Variants in ADAP1 observed in about 807,000 individuals in gnomAD.
ADAP1 encodes the protein ArfGAP with dual PH domains 1.
Under a neutral mutation model 54.9 loss-of-function variants are expected in ADAP1, and 31 were observed. The observed-to-expected ratio is 0.56, with a 90% CI of 0.42 to 0.76. ADAP1 has a LOEUF of 0.76. Ranked by LOEUF, ADAP1 falls within the 30% of genes least tolerant of loss-of-function variation. ADAP1 has a pLI of 0.00. For synonymous variants in ADAP1, 313 were observed against 202.6 expected, an observed-to-expected ratio of 1.55 and a Z score of -4.63; for missense variants, 535 against 512.4, an observed-to-expected ratio of 1.04 and a Z score of -0.42.
chr7:897,987 G>C lies in ADAP1; in HGVS notation c.*934C>G, dbSNP rs566042832. On this transcript the variant is annotated 3_prime_UTR_variant, in exon 11 of 11. Coordinates refer to ENST00000265846, the MANE Select transcript of ADAP1 (RefSeq NM_006869.4). ...TCGGAAACCCCCTCCCTGCCTATGA[G>C]GGCTTGTCCAGGGCTCCCCTGGAAC... is the stretch of plus-strand genomic sequence containing the variant. The C allele has an allele frequency of 2.6e-5, 4 of 152,346 alleles. No individual in the cohort carries two copies. Among genetic ancestry groups the C allele is most frequent in the Admixed American group, 2.0e-4 (3 of 15,308 alleles). 9.4% of individuals were successfully genotyped at this position (152,346 alleles called of 1,614,324 possible).
rs983704936 is a variant in ADAP1 at position 938,069 on chromosome 7, G to C, written c.83-2564C>G. Among the ~76,000 whole-genome samples, 9 of 152,200 alleles carry C rather than the reference G, an allele frequency of 5.9e-5. No homozygotes were observed. Among genetic ancestry groups the C allele is most frequent in the Middle Eastern group, 3.2e-3 (1 of 316 alleles). ...ACATTTGCCCAAGTGACCCTGTCTC[G>C]GGTACCAGGAGTTTTGCCTGTGCTG... is the stretch of plus-strand genomic sequence containing the variant. On this transcript the variant is annotated intron_variant, in intron 1 of 10. Coordinates refer to ENST00000265846, the MANE Select transcript of ADAP1 (RefSeq NM_006869.4). This position sits in a 1 kb window ranked among gnomAD's most constrained non-coding sequence, Gnocchi z 4.4.
At chr7:909,530 C>T (rs548364791) in intron 4 of ADAP1, among the ~76,000 whole-genome samples, 1 of 152,240 alleles carries the variant, frequency 6.6e-6, no homozygotes, top group African/African-American at 2.4e-5. Context: ...ACGCGCCCCA[C>T]GCCCAGTCCA....
At chr7:937,906 C>T (rs1447999175) in intron 1 of ADAP1, among the ~76,000 whole-genome samples, 8 of 152,192 alleles carry the variant, frequency 5.3e-5, no homozygotes, top group African/African-American at 9.7e-5. Context: ...CCAGCACCCC[C>T]GGATCTGGCA....
At chr7:900,808 C>T (rs1389854374) in intron 6 of ADAP1, 192 bp from the exon 7 acceptor site, 1 of 656,538 alleles carries the variant, frequency 1.5e-6, no homozygotes, top group African/African-American at 1.8e-5. Context: ...GGGGCTGCTA[C>T]ACAGGGGCTG....
intron 2 of ADAP1, 24 bp downstream of exon 2, chr7:935,351 C>T: frequency 6.5e-7 from 1 of 1,547,186 alleles, no homozygotes; most frequent in Non-Finnish European, 8.7e-7. Flanking sequence ...CTGCGCGGGT[C>T]CCCCCGCCCC....
intron 1 of ADAP1, among the ~76,000 whole-genome samples, chr7:936,719 T>G (rs1211228861): frequency 1.3e-5 from 2 of 152,164 alleles, no homozygotes; most frequent in African/African-American, 2.4e-5. Context: ...AGATGAGTCA[T>G]CTCTGAACTG....
chr7:910,688 G>A (rs901923784), intron 4 of ADAP1, among the ~76,000 whole-genome samples: 28 of 152,252 alleles, frequency 1.8e-4, no homozygotes, highest in Non-Finnish European at 3.2e-4. Flanking sequence ...ACGTGGCCCT[G>A]CTCTGAGTGA....
At chr7:928,551 A>C (rs751471375) in intron 2 of ADAP1, among the ~76,000 whole-genome samples, 32 of 152,212 alleles carry the variant, frequency 2.1e-4, no homozygotes, top group Non-Finnish European at 3.4e-4. Flanking sequence ...ATGGGGAAGG[A>C]TTTGATCGGA....
Position 926,718 on chromosome 7 carries a change from G to A in ADAP1, c.214-74C>T. 1.6e-6 allele frequency: 2 copies of A among 1,258,732 alleles called. No homozygotes were observed. Among genetic ancestry groups the A allele is most frequent in the Non-Finnish European group, 2.2e-6 (2 of 926,050 alleles). 78.0% of individuals were successfully genotyped at this position (1,258,732 alleles called of 1,614,324 possible). ...CCTAGGAGGTGCCAGCTGCCCTTGGGGCCGTCACCACAGTGACCCGCAGAC... is the reference window on the plus strand; with the variant it reads ...CCTAGGAGGTGCCAGCTGCCCTTGGAGCCGTCACCACAGTGACCCGCAGAC... On this transcript the variant is annotated intron_variant, in intron 2 of 10. Coordinates refer to ENST00000265846, the MANE Select transcript of ADAP1 (RefSeq NM_006869.4). The surrounding 1 kb of genome is among the most constrained non-coding windows in gnomAD (Gnocchi z 4.6).
intron 4 of ADAP1, among the ~76,000 whole-genome samples, chr7:906,469 GGAGAAA>G (rs1845346324): frequency 8.5e-6 from 1 of 117,178 alleles, no homozygotes; most frequent in Non-Finnish European, 1.9e-5. Context: ...AAAGGAGAAA[GGAGAAA>G]GGAGAAAGGA....
intron 8 of ADAP1, 138 bp downstream of exon 8, chr7:899,964 C>T: frequency 9.4e-7 from 1 of 1,069,060 alleles, no homozygotes; most frequent in Non-Finnish European, 1.4e-6. Context: ...CCCGGCCAGG[C>T]ACAGACAAGG....
chr7:913,582 TC>T (rs776029255), intron 4 of ADAP1, among the ~76,000 whole-genome samples: 1 of 152,128 alleles, frequency 6.6e-6, no homozygotes, highest in Non-Finnish European at 1.5e-5. Context: ...CCTGTTATAA[TC>T]CCCTTATACC....
At chr7:904,387 G>C (rs1396033055) in intron 5 of ADAP1, 115 bp from the exon 6 acceptor site, 2 of 1,374,280 alleles carry the variant, frequency 1.5e-6, no homozygotes, top group Middle Eastern at 2.3e-4. Flanking sequence ...TGTGGCTTTG[G>C]GCAAGTTACT....
chr7:900,594 G>A lies in ADAP1; in HGVS notation c.671C>T (p.Ala224Val). 2 of 1,609,226 alleles carry A rather than the reference G, an allele frequency of 1.2e-6. No homozygotes were observed. Among genetic ancestry groups the A allele is most frequent in the Non-Finnish European group, 1.7e-6 (2 of 1,178,852 alleles). The change falls in exon 7 of 11, where the codon GCA becomes GTA. Residue 224 changes from alanine to valine, a missense_variant. Coordinates refer to ENST00000265846, the MANE Select transcript of ADAP1 (RefSeq NM_006869.4). ...DGKEIVDWFN[A>V]LRAARFHYLQ... ...GTAGTGGAAGCGAGCAGCTCGGAGTGCATTGAACCAGTCCACAATCTCCTA... is the reference window on the plus strand; with the variant it reads ...GTAGTGGAAGCGAGCAGCTCGGAGTACATTGAACCAGTCCACAATCTCCTA...
intron 4 of ADAP1, 184 bp from the exon 5 acceptor site, chr7:905,356 CAGGGAA>C (rs749207185): frequency 0.02 from 4,709 of 233,934 alleles, 545 homozygotes; most frequent in African/African-American, 0.037. Context: ...GGAAGATGGG[CAGGGAA>C]AGGGAAAGGG....
chr7:926,120 C>G lies in ADAP1; in HGVS notation c.305+433G>C, dbSNP rs752855948. ...TCCACAACCTCCCGATCCCAGGATG[C>G]TCAGAGGACTGGGTCTCAGGCTTCC... On this transcript the variant is annotated intron_variant, in intron 3 of 10. Coordinates refer to ENST00000265846, the MANE Select transcript of ADAP1 (RefSeq NM_006869.4). This position sits in a 1 kb window ranked among gnomAD's most constrained non-coding sequence, Gnocchi z 4.6. Among the ~76,000 whole-genome samples, 8 of 152,090 alleles carry G rather than the reference C, an allele frequency of 5.3e-5. No homozygotes were observed. Among genetic ancestry groups the G allele is most frequent in the Non-Finnish European group, 1.0e-4 (7 of 68,002 alleles).
Position 900,516 on chromosome 7 carries a change from GCAGGGCCGCCA to G in ADAP1, c.732+6_732+16del. 1 of 1,447,312 alleles carries G rather than the reference GCAGGGCCGCCA, an allele frequency of 6.9e-7. No individual in the cohort carries two copies. Among genetic ancestry groups the G allele is most frequent in the Non-Finnish European group, 9.5e-7 (1 of 1,055,066 alleles). 89.7% of individuals were successfully genotyped at this position (1,447,312 alleles called of 1,614,324 possible). On this transcript the variant is annotated splice_donor_region_variant and intron_variant, in intron 7 of 10. Coordinates refer to ENST00000265846, the MANE Select transcript of ADAP1 (RefSeq NM_006869.4). ...ACCCCTGTCTGCCCTGGAGCTGACC[GCAGGGCCGCCA>G]CTCACATCTGCGTCGCCGGCCCCTG...
intron 4 of ADAP1, among the ~76,000 whole-genome samples, chr7:914,073 C>T (rs116108312): frequency 0.014 from 2,086 of 152,350 alleles, 40 homozygotes; most frequent in African/African-American, 0.047. Flanking sequence ...CTGGGGCCCC[C>T]GCCCTGTGAG....
At chr7:911,786 T>A (rs1183152759) in intron 4 of ADAP1, among the ~76,000 whole-genome samples, 21 of 86,178 alleles carry the variant, frequency 2.4e-4, no homozygotes, top group African/African-American at 6.0e-4. Flanking sequence ...GGGGCGGGGG[T>A]CCCACGGAGG....
Sources: gnomAD v4.1 joint callset for allele counts (sites outside exome capture counted in the v4.1 genomes callset) on GRCh38, gnomAD v4.1.1 for gene constraint, Gnocchi (gnomAD v3.1) non-coding constraint, MANE v1.5 for transcripts, NCBI Gene and HGNC (gene_info 2026-07-23, HGNC 2026-07-21) for gene names.